SIPA1L1: variants seen among roughly 807,000 people sequenced by gnomAD.
The protein encoded by SIPA1L1 is signal-induced proliferation-associated 1-like protein 1.
In SIPA1L1, 26 loss-of-function variants were observed where a neutral mutation model predicts 162.7. The observed-to-expected ratio is 0.16, with a 90% confidence interval of 0.12 to 0.22. The LOEUF (loss-of-function observed/expected upper bound fraction) is 0.22. Among genes scored for constraint, SIPA1L1 ranks in the 10% least tolerant of loss-of-function variants. SIPA1L1 has a pLI of 1.00. For synonymous variants in SIPA1L1, 829 were observed against 837.4 expected (o/e 0.99, Z 0.17); for missense variants, 1,874 against 2,241.0 (o/e 0.84, Z 3.31).
At chr14:71,625,084 AT>A (rs1031925783) in intron 7 of SIPA1L1, among the ~76,000 whole-genome samples, 23 of 151,948 alleles carry the variant, frequency 1.5e-4, no homozygotes, top group Non-Finnish European at 2.2e-4. Context: ...TAGTTTATTT[AT>A]TTTTTTTCCC....
intron 2 of SIPA1L1, among the ~76,000 whole-genome samples, chr14:71,501,043 G>C (rs912802369): frequency 2.6e-5 from 4 of 152,252 alleles, no homozygotes; most frequent in South Asian, 2.1e-4. Context: ...AAAAGGTGCC[G>C]AGTGCAGCGG....
At chr14:71,539,175 A>G (rs1328843809) in intron 4 of SIPA1L1, among the ~76,000 whole-genome samples, 2 of 152,184 alleles carry the variant, frequency 1.3e-5, no homozygotes, top group Admixed American at 6.5e-5. Context: ...GATGCTCTCT[A>G]CAGTCCTTCC....
At chr14:71,367,547 A>T (rs545294486) in intron 2 of SIPA1L1, among the ~76,000 whole-genome samples, 2 of 146,436 alleles carry the variant, frequency 1.4e-5, no homozygotes, top group African/African-American at 5.1e-5. Context: ...TGACCTCGTG[A>T]TCTGCCCGCC....
At chr14:71,510,525 A>G (rs1031605224) in intron 2 of SIPA1L1, among the ~76,000 whole-genome samples, 1 of 152,094 alleles carries the variant, frequency 6.6e-6, no homozygotes, top group Admixed American at 6.6e-5. Context: ...CAAACATAAT[A>G]TACTATTTAC....
At chr14:71,323,514 T>C (rs2033396905) in intron 2 of SIPA1L1, among the ~76,000 whole-genome samples, 1 of 152,170 alleles carries the variant, frequency 6.6e-6, no homozygotes, top group Non-Finnish European at 1.5e-5. Context: ...ATCCTGAAGA[T>C]TTTTTGTTGA....
At chr14:71,712,496 G>C (rs374915957) in intron 17 of SIPA1L1, among the ~76,000 whole-genome samples, 1 of 151,670 alleles carries the variant, frequency 6.6e-6, no homozygotes, top group East Asian at 1.9e-4. Flanking sequence ...GGTAATGGCT[G>C]TTTCACTTTC....
intron 2 of SIPA1L1, among the ~76,000 whole-genome samples, chr14:71,323,918 C>T (rs2033471102): frequency 6.6e-6 from 1 of 152,144 alleles, no homozygotes; most frequent in Non-Finnish European, 1.5e-5. Flanking sequence ...AAAGGTTATA[C>T]ATAATAGGCA....
At chr14:71,505,150 A>G (rs1474434027) in intron 2 of SIPA1L1, among the ~76,000 whole-genome samples, 1 of 152,144 alleles carries the variant, frequency 6.6e-6, no homozygotes, top group African/African-American at 2.4e-5. Flanking sequence ...TCTTTTCCAA[A>G]CTATCACCGT....
intron 2 of SIPA1L1, among the ~76,000 whole-genome samples, chr14:71,505,957 T>C (rs1386761633): frequency 1.4e-5 from 2 of 144,262 alleles, no homozygotes; most frequent in African/African-American, 2.5e-5. Context: ...GATATGCAAA[T>C]ATTCCCCCCC....
intron 12 of SIPA1L1, among the ~76,000 whole-genome samples, chr14:71,677,143 CT>C (rs1189799306): frequency 6.6e-5 from 10 of 152,182 alleles, no homozygotes; most frequent in Admixed American, 6.5e-4. Context: ...CTGTTGTTTC[CT>C]CATTTTTTAA....
intron 5 of SIPA1L1, among the ~76,000 whole-genome samples, chr14:71,596,190 C>G (rs888139394): frequency 1.3e-5 from 2 of 152,060 alleles, no homozygotes; most frequent in Non-Finnish European, 2.9e-5. Context: ...AGCCTCAGAC[C>G]GTGATGCAGG....
At chr14:71,535,009 T>C (rs2053769654) in intron 4 of SIPA1L1, among the ~76,000 whole-genome samples, 1 of 152,190 alleles carries the variant, frequency 6.6e-6, no homozygotes. Context: ...AAATAATACA[T>C]ACTGGTAAAA....
At chr14:71,373,780 C>T (rs961762374) in intron 2 of SIPA1L1, among the ~76,000 whole-genome samples, 1 of 151,850 alleles carries the variant, frequency 6.6e-6, no homozygotes, top group African/African-American at 2.4e-5. Context: ...TAAAATGAAA[C>T]CCTGGTTGGG....
chr14:71,405,889 A>G (rs1319616111), intron 2 of SIPA1L1, among the ~76,000 whole-genome samples: 2 of 152,234 alleles, frequency 1.3e-5, no homozygotes, highest in Non-Finnish European at 2.9e-5. Flanking sequence ...TTGATATCTG[A>G]GGCCATGGGA....
intron 2 of SIPA1L1, among the ~76,000 whole-genome samples, chr14:71,402,671 C>T (rs1365300215): frequency 2.0e-5 from 3 of 152,018 alleles, no homozygotes; most frequent in Non-Finnish European, 4.4e-5. Flanking sequence ...TAAAACTTCA[C>T]TGATTATTAT....
intron 15 of SIPA1L1, 46 bp from the exon 16 acceptor site, chr14:71,705,176 G>A (rs765406978): frequency 8.9e-6 from 12 of 1,353,548 alleles, no homozygotes; most frequent in Non-Finnish European, 1.2e-5. Flanking sequence ...CCATGTGCTT[G>A]TTTCTGCTTA....
chr14:71,561,604 A>T (rs1272569870), intron 4 of SIPA1L1, among the ~76,000 whole-genome samples: 2 of 152,150 alleles, frequency 1.3e-5, no homozygotes, highest in Non-Finnish European at 2.9e-5. Context: ...TCTTTTTGAG[A>T]TGGAGTTTCA....
At chr14:71,397,562 T>A (rs1468146088) in intron 2 of SIPA1L1, among the ~76,000 whole-genome samples, 1 of 152,166 alleles carries the variant, frequency 6.6e-6, no homozygotes, top group African/African-American at 2.4e-5. Flanking sequence ...TGGTTTTGAT[T>A]GTGACAATTT....
chr14:71,675,713 C>T (rs556691776), intron 12 of SIPA1L1, among the ~76,000 whole-genome samples: 91 of 152,290 alleles, frequency 6.0e-4, no homozygotes, highest in African/African-American at 2.2e-3. Flanking sequence ...CACCACCAGT[C>T]ACTGCAGCTG....
Sources: allele counts gnomAD v4.1 joint callset (sites outside exome capture counted in the v4.1 genomes callset), GRCh38; gene constraint gnomAD v4.1.1; transcripts MANE v1.5; gene names NCBI Gene and HGNC (gene_info 2026-07-23, HGNC 2026-07-21).